LMNTD1: variants seen among roughly 807,000 people sequenced by gnomAD.
LMNTD1 encodes the protein lamin tail domain containing 1, also known as lamin tail domain-containing protein 1.
In LMNTD1, 35 loss-of-function variants were observed where a neutral mutation model predicts 50.9. The ratio of observed to expected loss-of-function variants is 0.69; its 90% CI spans 0.53 to 0.91. The LOEUF is 0.91. Among genes scored for constraint, LMNTD1 ranks in the 40% least tolerant of loss-of-function variants. The pLI is 0.00. For missense variants in LMNTD1, 470 were observed against 475.5 expected (o/e 0.99, Z 0.11); for synonymous variants, 153 against 161.9 (o/e 0.94, Z 0.42).
chr12:25,573,513 G>A (rs1944880884), intron 1 of LMNTD1, among the ~76,000 whole-genome samples: 1 of 152,256 alleles, frequency 6.6e-6, no homozygotes, highest in East Asian at 1.9e-4. Context: ...AGAGCCCTAA[G>A]TTGGCCACAT....
intron 1 of LMNTD1, among the ~76,000 whole-genome samples, chr12:25,624,753 C>T (rs912688359): frequency 6.6e-6 from 1 of 152,146 alleles, no homozygotes; most frequent in Non-Finnish European, 1.5e-5. Flanking sequence ...TAGTTGTGTA[C>T]TCATTAGCTT....
intron 1 of LMNTD1, among the ~76,000 whole-genome samples, chr12:25,597,419 A>G (rs1340980156): frequency 6.6e-6 from 1 of 152,160 alleles, no homozygotes; most frequent in Non-Finnish European, 1.5e-5. Flanking sequence ...GAAGGTCACT[A>G]TATAATGATA....
At chr12:25,513,984 T>C (rs1437225659) in intron 8 of LMNTD1, among the ~76,000 whole-genome samples, 1 of 148,540 alleles carries the variant, frequency 6.7e-6, no homozygotes, top group Non-Finnish European at 1.5e-5. Context: ...ACTCTCAACA[T>C]GACCTTTAAA....
intron 1 of LMNTD1, among the ~76,000 whole-genome samples, chr12:25,571,004 G>T (rs1447977940): frequency 6.6e-6 from 1 of 152,064 alleles, no homozygotes; most frequent in East Asian, 1.9e-4. Context: ...CCACTTTATG[G>T]GCCTGTGACC....
intron 1 of LMNTD1, among the ~76,000 whole-genome samples, chr12:25,587,387 C>T (rs879528812): frequency 6.6e-6 from 1 of 152,216 alleles, no homozygotes; most frequent in African/African-American, 2.4e-5. Context: ...CCAGGGAGGC[C>T]TCAGGGAGCT....
intron 1 of LMNTD1, among the ~76,000 whole-genome samples, chr12:25,589,470 G>A (rs886542180): frequency 1.3e-5 from 2 of 152,150 alleles, no homozygotes; most frequent in Admixed American, 1.3e-4. Flanking sequence ...GGCTGGGATT[G>A]GGGATGGAGG....
At chr12:25,635,642 A>G (rs1285575928) in intron 1 of LMNTD1, among the ~76,000 whole-genome samples, 1 of 152,174 alleles carries the variant, frequency 6.6e-6, no homozygotes, top group African/African-American at 2.4e-5. Flanking sequence ...CAATTCTAAA[A>G]TTCATATGGA....
chr12:25,543,634 G>GT lies in LMNTD1; in HGVS notation c.491+2739dup, dbSNP rs59112716. ...CTTTTCTTCTACTAATTTTCAGTTT[G>GT]TTTTTTTTTTCTTGCTTTCCTAGTT... On this transcript the variant is annotated intron_variant, in intron 4 of 9. Coordinates refer to ENST00000458174, the MANE Select transcript of LMNTD1 (RefSeq NM_001145728.2). Among the ~76,000 whole-genome samples the GT allele has an allele frequency of 0.017, 2,432 of 145,802 alleles. 135 individuals carry two copies. In the East Asian group the frequency reaches 0.18, roughly 11 times the overall value.
chr12:25,598,625 G>T (rs1231524427), intron 1 of LMNTD1, among the ~76,000 whole-genome samples: 2 of 151,666 alleles, frequency 1.3e-5, no homozygotes, highest in African/African-American at 4.8e-5. Context: ...AAGAAAAAAA[G>T]AGAAGATCCA....
At chr12:25,477,997 G>A (rs10771220) in intron 9 of LMNTD1, among the ~76,000 whole-genome samples, 98,985 of 151,774 alleles carry the variant, frequency 0.65, 32,721 homozygotes, top group East Asian at 0.95. Flanking sequence ...TAGGCTGGAA[G>A]GCTAGGCCAG....
chr12:25,559,893 G>C (rs976768449), intron 1 of LMNTD1, among the ~76,000 whole-genome samples: 8 of 152,054 alleles, frequency 5.3e-5, no homozygotes, highest in South Asian at 2.1e-4. Flanking sequence ...TGATGGGGTT[G>C]ATTTTTTCTT....
At chr12:25,619,868 T>C (rs1027331076) in intron 1 of LMNTD1, among the ~76,000 whole-genome samples, 7 of 152,210 alleles carry the variant, frequency 4.6e-5, no homozygotes, top group African/African-American at 1.7e-4. Flanking sequence ...CAGTTGTTCC[T>C]TTTTTGAAAC....
At chr12:25,645,186 G>A (rs61924686) in intron 1 of LMNTD1, among the ~76,000 whole-genome samples, 31,845 of 152,094 alleles carry the variant, frequency 0.21, 4,359 homozygotes, top group Non-Finnish European at 0.32. Context: ...ATGAAGAGTT[G>A]GAGTCTAGCC....
intron 6 of LMNTD1, among the ~76,000 whole-genome samples, chr12:25,523,872 A>G (rs1268150014): frequency 3.9e-5 from 6 of 151,950 alleles, no homozygotes; most frequent in African/African-American, 1.4e-4. Flanking sequence ...GTAGGATTTA[A>G]TAGGTAAAAA....
At chr12:25,487,940 T>C (rs1938718464) in intron 9 of LMNTD1, among the ~76,000 whole-genome samples, 1 of 144,670 alleles carries the variant, frequency 6.9e-6, no homozygotes, top group Admixed American at 7.1e-5. Context: ...TTCTTTTCTT[T>C]AAGAATGTTG....
chr12:25,595,725 AC>A lies in LMNTD1; in HGVS notation c.59-49172del, dbSNP rs754305545. ...CCTAGCAGAAGAAAGGAAATAACCA[AC>A]ATCACAGCAGAACTAAATGAAAGTG... On this transcript the variant is annotated intron_variant, in intron 1 of 7. Transcript: ENST00000445693. Among the ~76,000 whole-genome samples the A allele has an allele frequency of 5.3e-5, 8 of 152,256 alleles. No individual in the cohort carries two copies. In the East Asian group the frequency reaches 1.4e-3, roughly 26 times the overall value.
chr12:25,524,772 A>T (rs1941589501), intron 6 of LMNTD1, among the ~76,000 whole-genome samples: 1 of 152,162 alleles, frequency 6.6e-6, no homozygotes, highest in Admixed American at 6.5e-5. Context: ...CTAAGTAAAT[A>T]ACTTAGATTG....
At chr12:25,553,820 C>A (rs1253479169), upstream of LMNTD1, among the ~76,000 whole-genome samples, 3 of 152,022 alleles carry the variant, frequency 2.0e-5, no homozygotes, top group Non-Finnish European at 4.4e-5. Flanking sequence ...TATGAAAGTA[C>A]ATGATTATAT....
At chr12:25,648,223 C>T (rs763411040) in intron 1 of LMNTD1, among the ~76,000 whole-genome samples, 2 of 152,162 alleles carry the variant, frequency 1.3e-5, no homozygotes, top group Non-Finnish European at 2.9e-5. Context: ...GTGTTCATTT[C>T]GACAGTCATG....
Sources: allele counts gnomAD v4.1 joint callset (sites outside exome capture counted in the v4.1 genomes callset), GRCh38; gene constraint gnomAD v4.1.1; transcripts MANE v1.5; gene names NCBI Gene and HGNC (gene_info 2026-07-23, HGNC 2026-07-21).